SHISA9: variants seen among roughly 807,000 people sequenced by gnomAD.
SHISA9 encodes the protein protein shisa-9.
In SHISA9, 13 loss-of-function variants were observed where a neutral mutation model predicts 38.0. The observed-to-expected ratio is 0.34, with a 90% CI of 0.22 to 0.54. SHISA9 has a LOEUF of 0.54. Among genes scored for constraint, SHISA9 ranks in the 20% least tolerant of loss-of-function variants. The pLI is 0.91. For synonymous variants in SHISA9, 275 were observed against 242.0 expected (o/e 1.14, Z -1.27); for missense variants, 538 against 575.8 (o/e 0.93, Z 0.67).
intron 2 of SHISA9, among the ~76,000 whole-genome samples, chr16:12,918,194 C>G (rs974727081): frequency 2.6e-5 from 4 of 152,164 alleles, no homozygotes; most frequent in Non-Finnish European, 5.9e-5. Flanking sequence ...CCATAGCCCC[C>G]CGAAGATATG....
At chr16:13,281,559 CTGT>C in the SHISA9 span, among the ~76,000 whole-genome samples, 2 of 146,492 alleles carry the variant, frequency 1.4e-5, no homozygotes, top group East Asian at 4.0e-4. Context: ...TCTCATTCCT[CTGT>C]TTTTTTTTTT....
the SHISA9 span, among the ~76,000 whole-genome samples, chr16:13,450,259 C>A: frequency 6.6e-6 from 1 of 152,130 alleles, no homozygotes; most frequent in Admixed American, 6.5e-5. Context: ...TTAAGAACAC[C>A]TACCTCGTAG....
chr16:13,199,205 T>C (rs926408204), intron 2 of SHISA9, among the ~76,000 whole-genome samples: 8 of 152,156 alleles, frequency 5.3e-5, no homozygotes, highest in Non-Finnish European at 1.0e-4. Context: ...TGGAGGATAA[T>C]AGGCTTTGAA....
At chr16:12,997,092 C>T (rs975583219) in intron 2 of SHISA9, among the ~76,000 whole-genome samples, 1 of 152,136 alleles carries the variant, frequency 6.6e-6, no homozygotes, top group Non-Finnish European at 1.5e-5. Context: ...AGAGGAAGAG[C>T]ATTTTCATCA....
chr16:13,388,541 G>A, the SHISA9 span, among the ~76,000 whole-genome samples: 2 of 152,070 alleles, frequency 1.3e-5, no homozygotes, highest in African/African-American at 4.8e-5. Flanking sequence ...GACCTCAAGT[G>A]ATCCACCCAT....
the SHISA9 span, among the ~76,000 whole-genome samples, chr16:13,450,560 G>A: frequency 6.6e-6 from 1 of 152,200 alleles, no homozygotes; most frequent in South Asian, 2.1e-4. Flanking sequence ...AAATAAAAAT[G>A]ATATTTATTG....
At chr16:13,374,442 T>G in the SHISA9 span, among the ~76,000 whole-genome samples, 1 of 152,230 alleles carries the variant, frequency 6.6e-6, no homozygotes, top group Non-Finnish European at 1.5e-5. Flanking sequence ...TGCAATAGTT[T>G]GCTCAGAATG....
chr16:12,944,075 C>G (rs2071658295), intron 2 of SHISA9, among the ~76,000 whole-genome samples: 1 of 152,158 alleles, frequency 6.6e-6, no homozygotes, highest in South Asian at 2.1e-4. Flanking sequence ...GTCCTCGCTT[C>G]CCACCCAGTT....
In SHISA9 at chr16:13,194,541, G is replaced by A. The variant is rs750420644; in HGVS notation, c.692-8853G>A. Among the ~76,000 whole-genome samples the A allele has an allele frequency of 2.0e-5, 3 of 152,198 alleles. No individual in the cohort carries two copies. In the South Asian group the frequency reaches 6.2e-4, roughly 31 times the overall value. On this transcript the variant is annotated intron_variant, in intron 2 of 4. Coordinates refer to ENST00000558583, the MANE Select transcript of SHISA9 (RefSeq NM_001145204.3). ...ATTCGATTAGCTAGTATATGGAATA[G>A]TGTGGGGTACCTCATAACCCCTTTA...
the SHISA9 span, among the ~76,000 whole-genome samples, chr16:13,459,915 A>C: frequency 6.6e-6 from 1 of 151,880 alleles, no homozygotes; most frequent in African/African-American, 2.4e-5. Flanking sequence ...TATGATTATG[A>C]ATATTTTTTT....
chr16:13,015,870 C>CTTTCTTTCTTTCTT (rs2072740908), intron 2 of SHISA9, among the ~76,000 whole-genome samples: 1 of 105,078 alleles, frequency 9.5e-6, no homozygotes, highest in African/African-American at 3.3e-5. Context: ...TTCTTTCTTT[C>CTTTCTTTCTTTCTT]TTTCTTTCTT....
chr16:13,528,164 GGCTTCTGAAA>G, the SHISA9 span, among the ~76,000 whole-genome samples: 1 of 151,986 alleles, frequency 6.6e-6, no homozygotes, highest in East Asian at 1.9e-4. Flanking sequence ...AAAGAGAAGA[GGCTTCTGAAA>G]GCTTGCCCAG....
At chr16:13,087,147 CTTTTTT>C (rs956913326) in intron 2 of SHISA9, among the ~76,000 whole-genome samples, 16 of 81,624 alleles carry the variant, frequency 2.0e-4, no homozygotes, top group African/African-American at 6.2e-4. Flanking sequence ...ATGAACTCGT[CTTTTTT>C]TTTTTTTTTT....
the SHISA9 span, among the ~76,000 whole-genome samples, chr16:13,459,139 C>T: frequency 6.6e-6 from 1 of 152,060 alleles, no homozygotes; most frequent in Non-Finnish European, 1.5e-5. Flanking sequence ...CAGATGTGAG[C>T]CACTGTGCCA....
At chr16:13,468,182 A>G in the SHISA9 span, among the ~76,000 whole-genome samples, 1 of 152,210 alleles carries the variant, frequency 6.6e-6, no homozygotes, top group Admixed American at 6.5e-5. Flanking sequence ...ATATTTCAAG[A>G]GGCCTTTTAA....
At chr16:13,220,469 C>G (rs1294302815) in intron 4 of SHISA9, among the ~76,000 whole-genome samples, 2 of 152,132 alleles carry the variant, frequency 1.3e-5, no homozygotes, top group Non-Finnish European at 2.9e-5. Context: ...TTGATTCATG[C>G]ATTAATCTAA....
intron 2 of SHISA9, among the ~76,000 whole-genome samples, chr16:13,059,114 ACT>A (rs1406064925): frequency 1.4e-5 from 2 of 141,066 alleles, no homozygotes; most frequent in Non-Finnish European, 3.0e-5. Flanking sequence ...CTCTGTAAAA[ACT>A]CTATCTTTTT....
chr16:13,504,968 C>G, the SHISA9 span, among the ~76,000 whole-genome samples: 1 of 152,094 alleles, frequency 6.6e-6, no homozygotes, highest in South Asian at 2.1e-4. Context: ...CCTCAGGCCC[C>G]AAAAGAAATG....
At chr16:12,931,394 A>G (rs1042169521) in intron 2 of SHISA9, among the ~76,000 whole-genome samples, 9 of 152,168 alleles carry the variant, frequency 5.9e-5, no homozygotes, top group African/African-American at 1.9e-4. Context: ...GGTGGTGAGC[A>G]TAGTGCCCAG....
Sources: gnomAD v4.1 joint callset for allele counts (sites outside exome capture counted in the v4.1 genomes callset) on GRCh38, gnomAD v4.1.1 for gene constraint, MANE v1.5 for transcripts, NCBI Gene and HGNC (gene_info 2026-07-23, HGNC 2026-07-21) for gene names.